The following NUP210L variants were observed in gnomAD, a reference collection of about 807,000 sequenced individuals.
The protein encoded by NUP210L is nucleoporin 210 like.
NUP210L carries 74 observed loss-of-function variants against 208.5 expected under a neutral mutation model. The ratio of observed to expected loss-of-function variants is 0.35; its 90% CI spans 0.29 to 0.43. The LOEUF is 0.43. NUP210L is among the 20% of genes least tolerant of loss of function. The probability of loss-of-function intolerance (pLI) is 1.00; values close to 1 mark genes in which losing one functional copy is unlikely to be tolerated. For synonymous variants in NUP210L, 780 were observed against 816.9 expected, an observed-to-expected ratio of 0.95 and a Z score of 0.77; for missense variants, 1,843 against 2,289.4, an observed-to-expected ratio of 0.81 and a Z score of 3.98.
At chr1:154,129,829 T>C (rs1658155534) in intron 7 of NUP210L, among the ~76,000 whole-genome samples, 1 of 152,216 alleles carries the variant, frequency 6.6e-6, no homozygotes, top group Non-Finnish European at 1.5e-5. Flanking sequence ...TTTCTGTTAT[T>C]TGCAGTAAAT....
intron 27 of NUP210L, among the ~76,000 whole-genome samples, chr1:154,040,924 T>C (rs187215959): frequency 1.9e-4 from 29 of 152,008 alleles, no homozygotes; most frequent in African/African-American, 6.8e-4. Context: ...AAGTCAAATT[T>C]TTTTATGAAA....
chr1:154,060,861 G>T, intron 19 of NUP210L, 81 bp downstream of exon 19: 1 of 993,250 alleles, frequency 1.0e-6, no homozygotes, highest in Non-Finnish European at 1.5e-6. Context: ...ACATAAGTAA[G>T]TTTTTTAATT....
chr1:154,055,187 C>CTT (rs869166431), intron 23 of NUP210L, among the ~76,000 whole-genome samples: 1 of 83,976 alleles, frequency 1.2e-5, no homozygotes, highest in Non-Finnish European at 2.7e-5. Context: ...TTCTTTCTTT[C>CTT]TTTTTCTTTC....
At chr1:154,103,680 A>G (rs1364365775) in intron 13 of NUP210L, among the ~76,000 whole-genome samples, 1 of 150,448 alleles carries the variant, frequency 6.6e-6, no homozygotes, top group Non-Finnish European at 1.5e-5. Flanking sequence ...TCAAAAAAAA[A>G]AAAAAAAAGA....
chr1:154,076,883 A>G (rs573364144), intron 16 of NUP210L, among the ~76,000 whole-genome samples: 1 of 152,328 alleles, frequency 6.6e-6, no homozygotes, highest in East Asian at 1.9e-4. Flanking sequence ...ACATCAATCC[A>G]TCAACATCAA....
rs1406436264 is a variant in NUP210L at position 154,025,458 on chromosome 1, G to GT, written c.4122+83dup. 3.4e-6 allele frequency: 3 copies of GT among 885,958 alleles called. No individual in the cohort carries two copies. The East Asian group carries it at 1.2e-4, about 35-fold the overall frequency. The allele number at this position is 885,958 out of a possible 1,614,324, so 54.9% of individuals were successfully genotyped here. A position where few individuals can be genotyped will look rare whatever the true frequency, so the allele number is the denominator to read the frequency against. On this transcript the variant is annotated intron_variant, in intron 30 of 39. Transcript: ENST00000368559. Reference sequence around the variant, plus strand: ...TAATGGCATGATAAGAAAATTTCTAGTTTTTTAAAAAAGAAACTCTGCTTT... The same window carrying GT: ...TAATGGCATGATAAGAAAATTTCTAGTTTTTTTAAAAAAGAAACTCTGCTTT...
chr1:154,111,870 A>G (rs996745959), intron 12 of NUP210L, among the ~76,000 whole-genome samples: 2 of 151,738 alleles, frequency 1.3e-5, no homozygotes, highest in Non-Finnish European at 2.9e-5. Flanking sequence ...CCTGATGAAC[A>G]TGATGGAAAA....
At chr1:154,025,155 C>T (rs1030017255) in intron 30 of NUP210L, among the ~76,000 whole-genome samples, 36 of 149,040 alleles carry the variant, frequency 2.4e-4, no homozygotes, top group Non-Finnish European at 4.2e-4. Flanking sequence ...GTCTCGATCT[C>T]CTGACCTCGT....
chr1:154,033,457 C>T (rs1440856525), intron 27 of NUP210L, among the ~76,000 whole-genome samples: 1 of 152,152 alleles, frequency 6.6e-6, no homozygotes, highest in African/African-American at 2.4e-5. Flanking sequence ...TTTCATTCTT[C>T]TGCATATGGA....
chr1:154,095,297 C>G (rs1033636102), intron 14 of NUP210L, 141 bp from the exon 15 acceptor site: 1 of 654,250 alleles, frequency 1.5e-6, no homozygotes, highest in South Asian at 1.9e-5. Flanking sequence ...CCATGCCTCT[C>G]ACTTGGAATG....
rs11318139 is a variant in NUP210L at position 154,138,257 on chromosome 1, GA to G, written c.718-20del. Reference sequence around the variant, plus strand: ...CCACTTTCTAAAAGAGGGAGGGAAGGAAAAAAAAAAACAGTTTCCATGGACG... The same window carrying G: ...CCACTTTCTAAAAGAGGGAGGGAAGGAAAAAAAAAACAGTTTCCATGGACG... On this transcript the variant is annotated intron_variant, in intron 5 of 39. Coordinates refer to ENST00000368559, the Ensembl canonical transcript of NUP210L. 453,668 of 1,297,446 alleles carry G rather than the reference GA, an allele frequency of 0.35. 54,267 individuals carry two copies. Among genetic ancestry groups the G allele is most frequent in the Admixed American group, 0.5 (16,310 of 32,936 alleles). 80.4% of individuals were successfully genotyped at this position (1,297,446 alleles called of 1,614,324 possible).
intron 16 of NUP210L, among the ~76,000 whole-genome samples, chr1:154,089,198 A>G (rs1329560431): frequency 2.6e-5 from 4 of 152,152 alleles, no homozygotes; most frequent in Non-Finnish European, 4.4e-5. Flanking sequence ...TTCAATGTTG[A>G]TAAGTGGAGA....
rs1449186693 is a variant in NUP210L at position 154,012,165 on chromosome 1, C to G, written c.4780+79G>C. On this transcript the variant is annotated intron_variant, in intron 34 of 39. Coordinates refer to ENST00000368559, the Ensembl canonical transcript of NUP210L. The stretch of plus-strand genomic sequence containing the variant: ...TGAAATAAAAAGAAAATCTGGATTA[C>G]TAATCCAAAGGGATAAATGAATTGA... The G allele has an allele frequency of 3.6e-6, 5 of 1,408,390 alleles. 1 individual carries two copies. The Middle Eastern group carries it at 5.5e-4, about 156-fold the overall frequency. 87.2% of individuals were successfully genotyped at this position (1,408,390 alleles called of 1,614,324 possible).
Position 154,095,281 on chromosome 1 carries a change from T to C in NUP210L, c.1966-125A>G, listed in dbSNP as rs1024315548. 8.6e-6 allele frequency: 6 copies of C among 700,528 alleles called. No individual in the cohort carries two copies. The Admixed American group carries it at 1.3e-4, about 15-fold the overall frequency. The allele number at this position is 700,528 out of a possible 1,614,324, so 43.4% of individuals were successfully genotyped here. Reference sequence around the variant, plus strand: ...AACTTAATTCCCAAATTAAGAGATATGTATGCCATGCCTCTCACTTGGAAT... The same window carrying C: ...AACTTAATTCCCAAATTAAGAGATACGTATGCCATGCCTCTCACTTGGAAT... On this transcript the variant is annotated intron_variant, in intron 14 of 39. Coordinates refer to ENST00000368559, the Ensembl canonical transcript of NUP210L.
In NUP210L at chr1:154,031,486, C is replaced by G. The variant is rs896192044; in HGVS notation, c.3697-1432G>C. 2.0e-5 allele frequency among the ~76,000 whole-genome samples: 3 copies of G among 152,092 alleles called. No individual in the cohort carries two copies. In the East Asian group the frequency reaches 5.8e-4, roughly 29 times the overall value. On this transcript the variant is annotated intron_variant, in intron 27 of 39. Transcript: ENST00000368559. ...TTATTCATTTAATCATTTAATCTAA[C>G]TATATTTTTGTACTAATTAAGCATC...
intron 17 of NUP210L, among the ~76,000 whole-genome samples, chr1:154,069,491 C>A (rs1654591927): frequency 6.6e-6 from 1 of 152,156 alleles, no homozygotes; most frequent in Admixed American, 6.6e-5. Context: ...ATCAAAGCCA[C>A]AATGAGATAC....
chr1:154,087,254 A>G (rs1416899715), intron 16 of NUP210L, among the ~76,000 whole-genome samples: 1 of 140,978 alleles, frequency 7.1e-6, no homozygotes, highest in African/African-American at 2.7e-5. Flanking sequence ...CGGGGGCTGG[A>G]GGTTGCAGTG....
intron 6 of NUP210L, among the ~76,000 whole-genome samples, chr1:154,137,255 T>C (rs1318614140): frequency 6.6e-6 from 1 of 151,724 alleles, no homozygotes; most frequent in African/African-American, 2.4e-5. Flanking sequence ...AGATCCCATT[T>C]CTAACAAAAA....
intron 28 of NUP210L, among the ~76,000 whole-genome samples, chr1:154,029,671 CAA>C (rs1470015688): frequency 6.6e-6 from 1 of 152,048 alleles, no homozygotes; most frequent in Admixed American, 6.6e-5. Flanking sequence ...GCCTTGGCAA[CAA>C]GAGCGAAACT....
Sources: allele counts gnomAD v4.1 joint callset (sites outside exome capture counted in the v4.1 genomes callset), GRCh38; gene constraint gnomAD v4.1.1; transcripts MANE v1.5; gene names NCBI Gene and HGNC (gene_info 2026-07-23, HGNC 2026-07-21).